Variants in PDZD2 observed in about 807,000 individuals in gnomAD.
The protein encoded by PDZD2 is PDZ domain-containing protein 2.
A neutral mutation model predicts 220.7 loss-of-function variants in PDZD2; 90 were observed. The ratio of observed to expected loss-of-function variants is 0.41; its 90% CI spans 0.34 to 0.49. The LOEUF is 0.49. PDZD2 is among the 20% of genes least tolerant of loss of function. PDZD2 has a pLI of 0.28. For synonymous variants in PDZD2, 1,375 were observed against 1,450.5 expected, an observed-to-expected ratio of 0.95 and a Z score of 1.18; for missense variants, 3,174 against 3,608.5, an observed-to-expected ratio of 0.88 and a Z score of 3.08.
intron 2 of PDZD2, among the ~76,000 whole-genome samples, chr5:31,832,996 C>G (rs114204544): frequency 1.2e-4 from 18 of 152,192 alleles, no homozygotes; most frequent in African/African-American, 4.1e-4. Flanking sequence ...CATGAGCAGG[C>G]CTGACCAACC....
chr5:32,021,870 C>T (rs935727351), intron 6 of PDZD2, among the ~76,000 whole-genome samples: 3 of 152,172 alleles, frequency 2.0e-5, no homozygotes, highest in Admixed American at 6.5e-5. Context: ...TTGTGTCACC[C>T]ACTTACCCCT....
chr5:31,652,614 A>C (rs1302511188), intron 1 of PDZD2, among the ~76,000 whole-genome samples: 2 of 152,224 alleles, frequency 1.3e-5, no homozygotes, highest in East Asian at 3.8e-4. Context: ...TTCTCAGTAC[A>C]GGGAATAAAA....
intron 1 of PDZD2, among the ~76,000 whole-genome samples, chr5:31,730,842 G>A (rs950639890): frequency 6.6e-6 from 1 of 152,116 alleles, no homozygotes; most frequent in African/African-American, 2.4e-5. Context: ...ATCAAAGGGT[G>A]GATATTTGGG....
chr5:31,671,209 T>C (rs1746202623), intron 1 of PDZD2, among the ~76,000 whole-genome samples: 1 of 152,048 alleles, frequency 6.6e-6, no homozygotes. Context: ...AATGGGAAGA[T>C]AAGTGCAAGG....
At chr5:31,691,649 T>G (rs1283716393) in intron 1 of PDZD2, among the ~76,000 whole-genome samples, 1 of 152,186 alleles carries the variant, frequency 6.6e-6, no homozygotes, top group African/African-American at 2.4e-5. Context: ...TGGTCTGTTT[T>G]GACAGGGCAC....
rs777491807 is a variant in PDZD2, at chr5:32,093,038, A to G, written c.7845+14A>G. On this transcript the variant is annotated intron_variant, in intron 21 of 24. Coordinates refer to ENST00000438447, the MANE Select transcript of PDZD2 (RefSeq NM_178140.4). ...GCACAATCAGAGGTGAGTGAAACAC[A>G]GAAAGCTCAGGAACATGAATTGCGG... is the stretch of plus-strand genomic sequence containing the variant. 1.5e-6 allele frequency: 2 copies of G among 1,316,482 alleles called. No homozygotes were observed. The highest frequency in any genetic ancestry group is 2.4e-5 in the South Asian group (2 of 84,182). The allele number at this position is 1,316,482 out of a possible 1,614,324, so 81.6% of individuals were successfully genotyped here.
intron 1 of PDZD2, among the ~76,000 whole-genome samples, chr5:31,648,111 A>G (rs1745202668): frequency 6.6e-6 from 1 of 152,216 alleles, no homozygotes; most frequent in Non-Finnish European, 1.5e-5. Context: ...TCATTGTTTT[A>G]TGCTCTTGAC....
At chr5:31,943,419 A>T (rs1203484885) in intron 2 of PDZD2, among the ~76,000 whole-genome samples, 2 of 152,188 alleles carry the variant, frequency 1.3e-5, no homozygotes, top group African/African-American at 4.8e-5. Context: ...AGTAGTTTGT[A>T]GTAAATCCAC....
chr5:31,791,651 T>G (rs1342284479), intron 1 of PDZD2, among the ~76,000 whole-genome samples: 1 of 149,726 alleles, frequency 6.7e-6, no homozygotes, highest in African/African-American at 2.5e-5. Flanking sequence ...ATATTCTAAA[T>G]TTTTCTTACC....
intron 2 of PDZD2, among the ~76,000 whole-genome samples, chr5:31,946,798 C>T (rs1038857784): frequency 6.6e-6 from 1 of 152,120 alleles, no homozygotes; most frequent in South Asian, 2.1e-4. Flanking sequence ...CTCAAGCAAT[C>T]CTCCCACCTT....
At chr5:32,028,662 ATTTTTT>A (rs749566544) in intron 6 of PDZD2, among the ~76,000 whole-genome samples, 5 of 66,932 alleles carry the variant, frequency 7.5e-5, no homozygotes, top group African/African-American at 1.9e-4. Flanking sequence ...TGCTCCTTCT[ATTTTTT>A]TTTTTTGTTT....
intron 2 of PDZD2, among the ~76,000 whole-genome samples, chr5:31,965,956 CA>C (rs1405260097): frequency 3.0e-4 from 45 of 152,246 alleles, no homozygotes; most frequent in African/African-American, 9.1e-4. Context: ...TAAAGTGGGG[CA>C]AGTCCTCCTT....
At chr5:31,863,181 G>T (rs960117625) in intron 2 of PDZD2, among the ~76,000 whole-genome samples, 3 of 152,106 alleles carry the variant, frequency 2.0e-5, no homozygotes, top group African/African-American at 7.2e-5. Context: ...CACTGCGCCC[G>T]GCCATGAGAC....
intron 19 of PDZD2, among the ~76,000 whole-genome samples, chr5:32,078,116 T>TAAA (rs1741504046): frequency 6.6e-6 from 1 of 152,080 alleles, no homozygotes; most frequent in Non-Finnish European, 1.5e-5. Context: ...CCATTTTCAG[T>TAAA]CAGTTGACCC....
chr5:32,084,200 A>C (rs1233646378), intron 19 of PDZD2, among the ~76,000 whole-genome samples: 1 of 152,230 alleles, frequency 6.6e-6, no homozygotes, highest in Non-Finnish European at 1.5e-5. Flanking sequence ...GCTAGTAGCT[A>C]GTACGGTCTC....
intron 2 of PDZD2, among the ~76,000 whole-genome samples, chr5:31,922,102 G>GA (rs5867116): frequency 6.6e-6 from 1 of 151,974 alleles, no homozygotes; most frequent in African/African-American, 2.4e-5. Context: ...CTTCTTGTGG[G>GA]AAAAAAAAGG....
chr5:31,942,721 G>C lies in PDZD2; in HGVS notation c.477-40434G>C, dbSNP rs1041110906. The stretch of plus-strand genomic sequence containing the variant: ...CATGTGGTCCAAACACATTCACATG[G>C]TTTGTTTTTGTTAGAGAAATGCCTC... On this transcript the variant is annotated intron_variant, in intron 2 of 24. Coordinates refer to ENST00000438447, the MANE Select transcript of PDZD2 (RefSeq NM_178140.4). Among the ~76,000 whole-genome samples, 4 of 152,212 alleles carry C rather than the reference G, an allele frequency of 2.6e-5. 1 individual carries two copies. The South Asian group carries it at 8.3e-4, about 32-fold the overall frequency.
intron 6 of PDZD2, among the ~76,000 whole-genome samples, chr5:32,016,094 G>T (rs1322848814): frequency 6.6e-6 from 1 of 152,184 alleles, no homozygotes; most frequent in African/African-American, 2.4e-5. Context: ...AGCAAAGCAG[G>T]ACCTTCCGAT....
At chr5:31,910,217 ATTTTT>A (rs70957978) in intron 2 of PDZD2, among the ~76,000 whole-genome samples, 58 of 106,820 alleles carry the variant, frequency 5.4e-4, no homozygotes, top group Admixed American at 1.3e-3. Context: ...GAGTTCCTGC[ATTTTT>A]TTTTTTTTTT....
Sources: allele counts gnomAD v4.1 joint callset (sites outside exome capture counted in the v4.1 genomes callset), GRCh38; gene constraint gnomAD v4.1.1; transcripts MANE v1.5; gene names NCBI Gene and HGNC (gene_info 2026-07-23, HGNC 2026-07-21).